PDZD2: variants seen among roughly 807,000 people sequenced by gnomAD.
The protein encoded by PDZD2 is PDZ domain containing 2, also known as PDZ domain-containing protein 2.
A neutral mutation model predicts 220.7 loss-of-function variants in PDZD2; 90 were observed. The ratio of observed to expected loss-of-function variants is 0.41; its 90% confidence interval spans 0.34 to 0.49. The LOEUF (loss-of-function observed/expected upper bound fraction) is 0.49, where lower values mean the gene tolerates loss of function less well. PDZD2 is among the 20% of genes least tolerant of loss of function. The pLI, the probability that PDZD2 is intolerant of heterozygous loss-of-function variation, is 0.28. For missense variants in PDZD2, 3,174 were observed against 3,608.5 expected (o/e 0.88, Z 3.08); for synonymous variants, 1,375 against 1,450.5 (o/e 0.95, Z 1.18).
chr5:31,986,098 A>AAT (rs1750696810), intron 3 of PDZD2, among the ~76,000 whole-genome samples: 1 of 148,100 alleles, frequency 6.8e-6, no homozygotes, highest in Non-Finnish European at 1.5e-5. Context: ...AAAAAAAAAA[A>AAT]TTGAACTTCT....
intron 10 of PDZD2, among the ~76,000 whole-genome samples, chr5:32,056,599 C>A (rs374574248): frequency 3.9e-5 from 6 of 152,266 alleles, no homozygotes; most frequent in African/African-American, 1.4e-4. Flanking sequence ...CTAGCAGACG[C>A]TATCAACAGC....
Position 31,966,159 on chromosome 5 carries a change from C to G in PDZD2, c.477-16996C>G, listed in dbSNP as rs149233088. ...GCTTTCTGACCTTGGGCGAGTTAAT[C>G]TCTTTAAACCTCAGTTTTCTTACCT... On this transcript the variant is annotated intron_variant, in intron 2 of 24. Coordinates refer to ENST00000438447, the MANE Select transcript of PDZD2 (RefSeq NM_178140.4). Among the ~76,000 whole-genome samples, 32 of 152,268 alleles carry G rather than the reference C, an allele frequency of 2.1e-4. No individual in the cohort carries two copies. The East Asian group carries it at 2.5e-3, about 12-fold the overall frequency.
intron 2 of PDZD2, among the ~76,000 whole-genome samples, chr5:31,964,642 CG>C (rs1363427329): frequency 2.0e-5 from 3 of 152,196 alleles, no homozygotes; most frequent in African/African-American, 7.2e-5. Flanking sequence ...CCTGTTTTGA[CG>C]ACTGTTACTT....
Position 31,983,165 on chromosome 5 carries a change from G to T in PDZD2, c.487G>T (p.Glu163Ter). The change falls in exon 3 of 25, where the codon GAG becomes TAG. Residue 163 changes from glutamate (E) to a stop codon, truncating the protein, a stop_gained. Transcript: ENST00000438447. LOFTEE classifies it high-confidence loss of function. ...VDVSGASYLA[E>*]QCWNGGFIYL... ...CTCTGTCTGTTGCAGTTACCTGGCT[G>T]AGCAGTGCTGGAATGGCGGCTTTAT... 6.2e-7 allele frequency: 1 copy of T among 1,612,752 alleles called. No individual in the cohort carries two copies. The highest frequency in any genetic ancestry group is 8.5e-7 in the Non-Finnish European group (1 of 1,179,104).
intron 15 of PDZD2, among the ~76,000 whole-genome samples, chr5:32,069,933 C>G (rs1740600162): frequency 6.6e-6 from 1 of 152,062 alleles, no homozygotes; most frequent in South Asian, 2.1e-4. Context: ...TTGATTCATT[C>G]AAAATGCTAA....
chr5:31,765,974 T>C (rs1580712560), intron 1 of PDZD2, among the ~76,000 whole-genome samples: 1 of 151,896 alleles, frequency 6.6e-6, no homozygotes, highest in Non-Finnish European at 1.5e-5. Flanking sequence ...GGTTCAAGGG[T>C]TCAAGACCAG....
At chr5:31,998,476 A>C (rs1226043221) in intron 4 of PDZD2, among the ~76,000 whole-genome samples, 1 of 152,214 alleles carries the variant, frequency 6.6e-6, no homozygotes, top group Non-Finnish European at 1.5e-5. Context: ...AAGGAAGGAA[A>C]GGGGAGGGAA....
intron 2 of PDZD2, among the ~76,000 whole-genome samples, chr5:31,827,307 C>G (rs943684229): frequency 1.2e-4 from 18 of 152,122 alleles, no homozygotes; most frequent in African/African-American, 4.3e-4. Context: ...GGCCTTTATC[C>G]GTGCCTTGGA....
intron 2 of PDZD2, among the ~76,000 whole-genome samples, chr5:31,961,133 G>T (rs1463505361): frequency 2.0e-5 from 3 of 152,194 alleles, no homozygotes; most frequent in Non-Finnish European, 4.4e-5. Flanking sequence ...CAGGCTGGGG[G>T]AGTTATGTGT....
chr5:31,856,661 TC>T (rs1249190862), intron 2 of PDZD2, among the ~76,000 whole-genome samples: 1 of 152,132 alleles, frequency 6.6e-6, no homozygotes, highest in Admixed American at 6.5e-5. Context: ...GAGCCTCTGT[TC>T]CTGCTAATCT....
At position 31,995,562 on chromosome 5, in the gene PDZD2, CTT is replaced by C; in HGVS notation, c.979-10_979-9del. ...GTCAACCTCCTTCATGGTGTGCTCA[CTT>C]TTTCTTCCAAGGAGGAAGTTGGCCG... is the stretch of plus-strand genomic sequence containing the variant. On this transcript the variant is annotated splice_polypyrimidine_tract_variant and intron_variant, in intron 3 of 24. Coordinates refer to ENST00000438447, the MANE Select transcript of PDZD2 (RefSeq NM_178140.4). The C allele has an allele frequency of 1.2e-6, 2 of 1,614,122 alleles. No homozygotes were observed. Among genetic ancestry groups the C allele is most frequent in the Non-Finnish European group, 1.7e-6 (2 of 1,179,962 alleles).
At chr5:31,759,638 C>G (rs1365043370) in intron 1 of PDZD2, among the ~76,000 whole-genome samples, 1 of 151,544 alleles carries the variant, frequency 6.6e-6, no homozygotes, top group Non-Finnish European at 1.5e-5. Flanking sequence ...CTCTGCCTCC[C>G]AGGTTCAAGC....
chr5:31,947,451 A>G (rs1389401953), intron 2 of PDZD2, among the ~76,000 whole-genome samples: 1 of 152,132 alleles, frequency 6.6e-6, no homozygotes, highest in Non-Finnish European at 1.5e-5. Flanking sequence ...TCAGTAAACC[A>G]TTTCATCCTT....
intron 18 of PDZD2, 138 bp from the exon 19 acceptor site, chr5:32,077,324 A>C (rs907255615): frequency 1.9e-5 from 15 of 774,964 alleles, no homozygotes; most frequent in Admixed American, 1.6e-4. Context: ...TTAAACCCAC[A>C]ATCTGGATCT....
At chr5:31,914,788 G>GT (rs529279769) in intron 2 of PDZD2, among the ~76,000 whole-genome samples, 51 of 152,206 alleles carry the variant, frequency 3.4e-4, no homozygotes, top group South Asian at 1.0e-3. Flanking sequence ...GCTATGCTGT[G>GT]TATAGGACCA....
chr5:31,840,178 G>A (rs12515994), intron 2 of PDZD2, among the ~76,000 whole-genome samples: 103,738 of 151,332 alleles, frequency 0.69, 35,956 homozygotes, highest in African/African-American at 0.79. Flanking sequence ...TTGAGACTGC[G>A]GTGAGCCGTG....
chr5:31,841,768 C>T (rs57805950), intron 2 of PDZD2, among the ~76,000 whole-genome samples: 8,595 of 151,698 alleles, frequency 0.057, 781 homozygotes, highest in African/African-American at 0.2. Flanking sequence ...GTCAGGAGTT[C>T]GAGACCAGCC....
chr5:31,882,152 A>G (rs1206227703), intron 2 of PDZD2, among the ~76,000 whole-genome samples: 1 of 152,208 alleles, frequency 6.6e-6, no homozygotes, highest in Non-Finnish European at 1.5e-5. Flanking sequence ...TTTGTGTGGC[A>G]TTACGCTAAG....
At chr5:31,643,904 G>T (rs576045763) in intron 1 of PDZD2, among the ~76,000 whole-genome samples, 1 of 151,698 alleles carries the variant, frequency 6.6e-6, no homozygotes, top group African/African-American at 2.4e-5. Context: ...CAGCAGCCTT[G>T]ACCTCCCCGG....
Sources: allele counts gnomAD v4.1 joint callset (sites outside exome capture counted in the v4.1 genomes callset), GRCh38; gene constraint gnomAD v4.1.1; transcripts MANE v1.5; gene names NCBI Gene and HGNC (gene_info 2026-07-23, HGNC 2026-07-21).